MALRD1: variants seen among roughly 807,000 people sequenced by gnomAD.
MALRD1 encodes MAM and LDL receptor class A domain containing 1, also known as MAM and LDL-receptor class A domain-containing protein 1.
In MALRD1, 247 loss-of-function variants were observed where a neutral mutation model predicts 242.1. That is an observed-to-expected ratio of 1.02 (90% confidence interval 0.92 to 1.13). The LOEUF (loss-of-function observed/expected upper bound fraction) is 1.13. MALRD1 is among the 50% of genes most tolerant of loss of function. The pLI, the probability that MALRD1 is intolerant of heterozygous loss-of-function variation, is 0.00. For missense variants in MALRD1, 2,989 were observed against 2,533.1 expected (o/e 1.18, Z -3.86); for synonymous variants, 995 against 866.6 (o/e 1.15, Z -2.60).
At chr10:19,383,304 T>C (rs1173638102) in intron 26 of MALRD1, among the ~76,000 whole-genome samples, 1 of 152,170 alleles carries the variant, frequency 6.6e-6, no homozygotes, top group Non-Finnish European at 1.5e-5. Flanking sequence ...ACATACGGTA[T>C]TGGCTTTCTG....
In MALRD1 at chr10:19,642,519, C is replaced by G. The variant is rs76100157; in HGVS notation, c.6137+26596C>G. 9.2e-3 allele frequency among the ~76,000 whole-genome samples: 1,405 copies of G among 152,194 alleles called. 19 individuals are homozygous for G. Among genetic ancestry groups the G allele is most frequent in the African/African-American group, 0.032 (1,318 of 41,532 alleles). Reference sequence around the variant, plus strand: ...AAAGGAAAAGCAAAATAATACAAAACAAGCTAGAATGTATTGAATAGAATC... The same window carrying G: ...AAAGGAAAAGCAAAATAATACAAAAGAAGCTAGAATGTATTGAATAGAATC... On this transcript the variant is annotated intron_variant, in intron 36 of 39. Transcript: ENST00000454679.
chr10:19,502,093 G>C (rs1055542932), intron 31 of MALRD1, among the ~76,000 whole-genome samples: 6 of 151,678 alleles, frequency 4.0e-5, no homozygotes, highest in African/African-American at 1.5e-4. Flanking sequence ...AGAAAATCCA[G>C]TATACATGGT....
chr10:19,633,022 A>G (rs1839975752), intron 36 of MALRD1, among the ~76,000 whole-genome samples: 1 of 152,294 alleles, frequency 6.6e-6, no homozygotes, highest in South Asian at 2.1e-4. Flanking sequence ...ACTTGAGGTC[A>G]GGAGTTCAAG....
intron 38 of MALRD1, among the ~76,000 whole-genome samples, chr10:19,693,553 C>T (rs1833211330): frequency 2.0e-5 from 3 of 152,090 alleles, no homozygotes. Context: ...GAACTACAAA[C>T]CACTGCTCAA....
intron 33 of MALRD1, among the ~76,000 whole-genome samples, chr10:19,585,929 T>C (rs1189321862): frequency 6.6e-6 from 1 of 152,168 alleles, no homozygotes. Context: ...TCGTTTCTTT[T>C]TATTCTTTTT....
chr10:19,728,535 G>A (rs1000366862), intron 38 of MALRD1: 1 of 151,962 alleles, frequency 6.6e-6, no homozygotes, highest in African/African-American at 2.4e-5. Context: ...CGGCCAAGCT[G>A]GTCCCTTCAG....
chr10:19,081,189 T>C (rs370802555), intron 2 of MALRD1, among the ~76,000 whole-genome samples: 44 of 152,276 alleles, frequency 2.9e-4, no homozygotes, highest in African/African-American at 1.0e-3. Flanking sequence ...GTTCAACCAT[T>C]GTGGAAGACA....
chr10:19,552,769 T>A (rs1234570160), intron 32 of MALRD1, among the ~76,000 whole-genome samples: 3 of 152,156 alleles, frequency 2.0e-5, no homozygotes, highest in African/African-American at 7.2e-5. Flanking sequence ...TGCAAAGCAT[T>A]AGTAGTTACA....
In MALRD1 at chr10:19,205,131, C is replaced by T; in HGVS notation, c.2444C>T (p.Thr815Ile). The T allele has an allele frequency of 6.4e-7, 1 of 1,550,746 alleles. No individual in the cohort carries two copies. The highest frequency in any genetic ancestry group is 8.7e-7 in the Non-Finnish European group (1 of 1,147,040). ...GATGACATCCGATTTGAAAATTGTACTCTCCCTCTTCCTGCTGAGAGCTGT... is the reference window on the plus strand; with the variant it reads ...GATGACATCCGATTTGAAAATTGTATTCTCCCTCTTCCTGCTGAGAGCTGT... ...AIDDIRFENC[T>I]LPLPAESCEG... The change falls in exon 17 of 40, where the codon ACT (threonine) becomes ATT (isoleucine). Residue 815 changes from threonine (T) to isoleucine (I), a missense_variant. Transcript: ENST00000454679.
rs534793523 is a variant in MALRD1 at position 19,512,194 on chromosome 10, G to C, written c.5320+13548G>C. ...ATGAAAAATGTGGTTATCATCAGTT[G>C]GTGGGTAACAAAGGGCTTTTTTTAC... On this transcript the variant is annotated intron_variant, in intron 31 of 39. Transcript: ENST00000454679. Among the ~76,000 whole-genome samples the C allele has an allele frequency of 7.2e-5, 11 of 152,126 alleles. 1 individual carries two copies. The South Asian group carries it at 2.3e-3, about 32-fold the overall frequency.
At position 19,334,119 on chromosome 10, in the gene MALRD1, G is replaced by GTTTTT. The variant is rs56931838; in HGVS notation, c.3901+2556_3901+2560dup. Among the ~76,000 whole-genome samples, 192 of 66,746 alleles carry GTTTTT rather than the reference G, an allele frequency of 2.9e-3. 1 individual carries two copies. Among genetic ancestry groups the GTTTTT allele is most frequent in the East Asian group, 5.3e-3 (11 of 2,072 alleles). 43.8% of individuals were successfully genotyped at this position (66,746 alleles called of 152,430 possible). A position where few individuals can be genotyped will look rare whatever the true frequency, so the allele number is the denominator to read the frequency against. On this transcript the variant is annotated intron_variant, in intron 24 of 39. Transcript: ENST00000454679. The stretch of plus-strand genomic sequence containing the variant: ...GGTTGTCTGTTTACTCTGTTGGTAG[G>GTTTTT]TTTTTTTTTTTTTTTTTTTTTTTCT...
At chr10:19,420,403 C>A (rs1053620287) in intron 28 of MALRD1, among the ~76,000 whole-genome samples, 21 of 152,066 alleles carry the variant, frequency 1.4e-4, no homozygotes, top group African/African-American at 4.8e-4. Flanking sequence ...CATATTGATT[C>A]TTTGAAAAGA....
At chr10:19,260,965 A>G (rs1839721121) in intron 19 of MALRD1, among the ~76,000 whole-genome samples, 1 of 152,132 alleles carries the variant, frequency 6.6e-6, no homozygotes, top group South Asian at 2.1e-4. Flanking sequence ...GAGAATACAA[A>G]ATTAAGGATC....
chr10:19,319,370 T>G (rs1313688499), intron 21 of MALRD1, among the ~76,000 whole-genome samples: 1 of 152,134 alleles, frequency 6.6e-6, no homozygotes, highest in Admixed American at 6.6e-5. Context: ...TCAGTTCATT[T>G]ATAAAAAACG....
intron 33 of MALRD1, among the ~76,000 whole-genome samples, chr10:19,591,377 C>T (rs542856483): frequency 6.6e-4 from 100 of 152,274 alleles, no homozygotes; most frequent in African/African-American, 2.0e-3. Context: ...TTGAAATTTG[C>T]GATCCTCCTA....
chr10:19,114,920 T>C (rs1028057369), intron 5 of MALRD1, among the ~76,000 whole-genome samples: 1 of 152,208 alleles, frequency 6.6e-6, no homozygotes, highest in Non-Finnish European at 1.5e-5. Flanking sequence ...GACTATGACC[T>C]AAACTCTAGT....
intron 20 of MALRD1, among the ~76,000 whole-genome samples, chr10:19,280,556 T>G (rs1324957707): frequency 7.9e-5 from 12 of 152,204 alleles, no homozygotes; most frequent in African/African-American, 2.9e-4. Flanking sequence ...AAATAGGGAA[T>G]GTTTAGGGAG....
At chr10:19,694,026 T>G (rs990217408) in intron 38 of MALRD1, among the ~76,000 whole-genome samples, 27 of 152,202 alleles carry the variant, frequency 1.8e-4, no homozygotes, top group African/African-American at 4.8e-4. Flanking sequence ...TAGCCATATG[T>G]AGAAAGCTGA....
intron 31 of MALRD1, among the ~76,000 whole-genome samples, chr10:19,523,295 TA>T (rs1833960533): frequency 6.6e-6 from 1 of 152,156 alleles, no homozygotes. Flanking sequence ...ACATATGCAT[TA>T]AAATAATGTG....
Sources: gnomAD v4.1 joint callset for allele counts (sites outside exome capture counted in the v4.1 genomes callset) on GRCh38, gnomAD v4.1.1 for gene constraint, MANE v1.5 for transcripts, NCBI Gene and HGNC (gene_info 2026-07-23, HGNC 2026-07-21) for gene names.